Variants in MRRF observed in about 807,000 individuals in gnomAD.
MRRF encodes mitochondrial ribosome recycling factor.
Under a neutral mutation model 25.1 loss-of-function variants are expected in MRRF, and 18 were observed. The ratio of observed to expected loss-of-function variants is 0.72; its 90% confidence interval spans 0.50 to 1.06. The LOEUF (loss-of-function observed/expected upper bound fraction) is 1.06, where lower values mean the gene tolerates loss of function less well. Ranked by LOEUF, MRRF falls within the 50% of genes least tolerant of loss-of-function variation. The pLI is 0.00. For missense variants in MRRF, 323 were observed against 319.3 expected (o/e 1.01, Z -0.09); for synonymous variants, 113 against 112.1 (o/e 1.01, Z -0.05).
chr9:122,306,125 TC>T (rs1040096793), intron 5 of MRRF, among the ~76,000 whole-genome samples: 2 of 152,172 alleles, frequency 1.3e-5, no homozygotes, highest in Non-Finnish European at 2.9e-5. Context: ...TGCTGTGTTC[TC>T]CCCCAGTAGG....
chr9:122,294,780 A>C (rs1833983091), intron 5 of MRRF, among the ~76,000 whole-genome samples: 1 of 152,226 alleles, frequency 6.6e-6, no homozygotes, highest in Non-Finnish European at 1.5e-5. Flanking sequence ...GTTAGTGCAT[A>C]ATGATAAGCA....
chr9:122,291,961 T>C (rs1413523378), intron 5 of MRRF, 121 bp downstream of exon 5: 4 of 774,458 alleles, frequency 5.2e-6, no homozygotes, highest in South Asian at 4.2e-5. Context: ...CCTTTCACCC[T>C]GGCAAACATC....
chr9:122,308,067 C>T (rs973607127), intron 5 of MRRF, among the ~76,000 whole-genome samples: 3 of 152,176 alleles, frequency 2.0e-5, no homozygotes, highest in Non-Finnish European at 4.4e-5. Context: ...TTCAGGAAGG[C>T]CCCCATCCAG....
In MRRF at chr9:122,285,250, C is replaced by T. The variant is rs1459029862; in HGVS notation, c.422C>T (p.Pro141Leu). 6.2e-7 allele frequency: 1 copy of T among 1,613,814 alleles called. No homozygotes were observed. The highest frequency in any genetic ancestry group is 8.5e-7 in the Non-Finnish European group (1 of 1,179,740). The change falls in exon 4 of 7, where the codon CCA (proline) becomes CTA (leucine). Residue 141 changes from proline to leucine, a missense_variant. By Grantham distance (98) the Pro-to-Leu change is moderately conservative (BLOSUM62 -3). Coordinates refer to ENST00000344641, the MANE Select transcript of MRRF (RefSeq NM_138777.5). Reference protein sequence around the residue: ...NQISQISMKSPQLILVNMASF... With the variant: ...NQISQISMKSLQLILVNMASF... Reference sequence around the variant, plus strand: ...ATTAGCCAGATCTCCATGAAGTCGCCACAGCTGATTTTGGTGAATATGGCC... The same window carrying T: ...ATTAGCCAGATCTCCATGAAGTCGCTACAGCTGATTTTGGTGAATATGGCC...
At chr9:122,272,644 G>T (rs749784147) in intron 2 of MRRF, among the ~76,000 whole-genome samples, 1 of 152,070 alleles carries the variant, frequency 6.6e-6, no homozygotes, top group African/African-American at 2.4e-5. Flanking sequence ...AGATTTATTC[G>T]ATTCTTTCAT....
chr9:122,289,019 G>A (rs148249483), intron 4 of MRRF, among the ~76,000 whole-genome samples: 221 of 152,254 alleles, frequency 1.5e-3, no homozygotes, highest in Middle Eastern at 0.01. Context: ...AAAGTCTATA[G>A]GAATGTATGC....
rs147161287 is a variant in MRRF, at chr9:122,322,608, C to T, written c.780C>T (p.Leu260=). ...ATCTGGCAGTGAAGACCAAAGAACTCCTTGGATGAAAGTCCACTGGGGCCA... is the reference window on the plus strand; with the variant it reads ...ATCTGGCAGTGAAGACCAAAGAACTTCTTGGATGAAAGTCCACTGGGGCCA... The part of the protein sequence containing the change: ...DRHLAVKTKE[L]LG The change falls in exon 7 of 7, where the codon CTC becomes CTT. Residue 260 remains leucine, a synonymous_variant. Transcript: ENST00000344641. The T allele has an allele frequency of 1.2e-6, 2 of 1,614,078 alleles. No individual in the cohort carries two copies. Among genetic ancestry groups the T allele is most frequent in the African/African-American group, 1.3e-5 (1 of 75,014 alleles).
chr9:122,293,738 T>C (rs1833914058), intron 5 of MRRF, among the ~76,000 whole-genome samples: 1 of 152,192 alleles, frequency 6.6e-6, no homozygotes, highest in South Asian at 2.1e-4. Context: ...TGTGCCAGGC[T>C]CTGTGCTGGG....
In MRRF at chr9:122,326,980, TCGCTGAACACTTACTCAAAAGGGAC is replaced by T. The variant is rs1457908879; in HGVS notation, c.*4365_*4389del. Reference sequence around the variant, plus strand: ...TCAGTGTGCTTTGGTTCCCAAGTCTTCGCTGAACACTTACTCAAAAGGGACCTCGCGCTGTTCTGGACCTGGACGG... The same window carrying T: ...TCAGTGTGCTTTGGTTCCCAAGTCTTCTCGCGCTGTTCTGGACCTGGACGG... On this transcript the variant is annotated 3_prime_UTR_variant, in exon 7 of 7. Transcript: ENST00000344641. The T allele has an allele frequency of 6.6e-6, 1 of 152,234 alleles. No individual in the cohort carries two copies. The highest frequency in any genetic ancestry group is 1.5e-5 in the Non-Finnish European group (1 of 68,040). The allele number at this position is 152,234 out of a possible 1,614,324, so 9.4% of individuals were successfully genotyped here.
At chr9:122,270,244 A>C (rs1832366388) in intron 1 of MRRF, among the ~76,000 whole-genome samples, 1 of 152,234 alleles carries the variant, frequency 6.6e-6, no homozygotes, top group Non-Finnish European at 1.5e-5. Context: ...AAGACCTCAG[A>C]TGTAGAATGC....
At chr9:122,282,951 G>A (rs917945060) in intron 3 of MRRF, among the ~76,000 whole-genome samples, 57 of 152,106 alleles carry the variant, frequency 3.7e-4, no homozygotes, top group African/African-American at 1.4e-3. Context: ...GTTTATTAGA[G>A]AATATTAGAG....
chr9:122,280,234 T>TAC (rs1274509126), intron 2 of MRRF, among the ~76,000 whole-genome samples: 1 of 152,238 alleles, frequency 6.6e-6, no homozygotes, highest in Non-Finnish European at 1.5e-5. Flanking sequence ...TGTCTGATTA[T>TAC]AAAGTGTGCC....
intron 5 of MRRF, among the ~76,000 whole-genome samples, chr9:122,303,298 A>G (rs1834590050): frequency 6.6e-6 from 1 of 150,552 alleles, no homozygotes; most frequent in Non-Finnish European, 1.5e-5. Context: ...ATATATATAT[A>G]TATATTTAGT....
chr9:122,289,617 G>A (rs1299843222), intron 4 of MRRF, among the ~76,000 whole-genome samples: 2 of 151,046 alleles, frequency 1.3e-5, no homozygotes, highest in African/African-American at 2.4e-5. Context: ...TTTTAAGGAA[G>A]ATGGCATTTC....
intron 1 of MRRF, 110 bp from the exon 2 acceptor site, chr9:122,270,754 C>T (rs1832394908): frequency 1.2e-6 from 1 of 806,062 alleles, no homozygotes; most frequent in African/African-American, 1.7e-5. Flanking sequence ...TTGTCTAGTA[C>T]TTAGCTCAGT....
At chr9:122,293,731 G>T (rs1475323828) in intron 5 of MRRF, among the ~76,000 whole-genome samples, 1 of 152,206 alleles carries the variant, frequency 6.6e-6, no homozygotes, top group Non-Finnish European at 1.5e-5. Flanking sequence ...ATGCGTATGT[G>T]CCAGGCTCTG....
chr9:122,306,275 C>T (rs1017259701), intron 5 of MRRF, among the ~76,000 whole-genome samples: 1 of 152,204 alleles, frequency 6.6e-6, no homozygotes, highest in Non-Finnish European at 1.5e-5. Flanking sequence ...TCCCTCATCC[C>T]CCTGCACTTG....
chr9:122,312,950 G>A (rs1024056006), intron 5 of MRRF, among the ~76,000 whole-genome samples: 1 of 152,180 alleles, frequency 6.6e-6, no homozygotes, highest in African/African-American at 2.4e-5. Context: ...GATTAGAAGA[G>A]TAGCAGAAAG....
intron 5 of MRRF, among the ~76,000 whole-genome samples, chr9:122,305,410 CAAAAAAAAAA>C (rs371802454): frequency 9.1e-5 from 6 of 65,756 alleles, no homozygotes; most frequent in Non-Finnish European, 1.2e-4. Flanking sequence ...AGACTCATCT[CAAAAAAAAAA>C]AAAAAAAAAA....
Sources: allele counts gnomAD v4.1 joint callset (sites outside exome capture counted in the v4.1 genomes callset), GRCh38; gene constraint gnomAD v4.1.1; transcripts MANE v1.5; gene names NCBI Gene and HGNC (gene_info 2026-07-23, HGNC 2026-07-21).